WDFY2: variants seen among roughly 807,000 people sequenced by gnomAD.
The protein encoded by WDFY2 is WD repeat and FYVE domain-containing protein 2.
In WDFY2, 36 loss-of-function variants were observed where a neutral mutation model predicts 56.4. The observed-to-expected ratio is 0.64, with a 90% CI of 0.49 to 0.84. The LOEUF (loss-of-function observed/expected upper bound fraction) is 0.84, where lower values mean the gene tolerates loss of function less well. Among genes scored for constraint, WDFY2 ranks in the 40% least tolerant of loss-of-function variants. The pLI, the probability that WDFY2 is intolerant of heterozygous loss-of-function variation, is 0.00. For missense variants in WDFY2, 444 were observed against 512.2 expected, an observed-to-expected ratio of 0.87 and a Z score of 1.29; for synonymous variants, 176 against 183.7, an observed-to-expected ratio of 0.96 and a Z score of 0.34.
rs558590933 is a variant in WDFY2 at position 51,702,287 on chromosome 13, G to A, written c.280-1309G>A. ...GGATCGCGCCACTGCACTCCAACCA[G>A]GCAACAGAGCAAGACTCTGTCAAAA... On this transcript the variant is annotated intron_variant, in intron 3 of 11. Transcript: ENST00000298125. Among the ~76,000 whole-genome samples, 3 of 151,750 alleles carry A rather than the reference G, an allele frequency of 2.0e-5. No individual in the cohort carries two copies. In the East Asian group the frequency reaches 5.8e-4, roughly 29 times the overall value.
chr13:51,727,914 C>G, intron 6 of WDFY2, 124 bp downstream of exon 6: 1 of 808,816 alleles, frequency 1.2e-6, no homozygotes, highest in Non-Finnish European at 1.9e-6. Flanking sequence ...CAAAGATACA[C>G]ATGATATGCT....
chr13:51,588,766 A>G (rs1367753628), intron 1 of WDFY2: 8 of 152,228 alleles, frequency 5.3e-5, no homozygotes, highest in Non-Finnish European at 8.8e-5. Context: ...CTCAGCACTC[A>G]GTGTCCTCAC....
intron 2 of WDFY2, among the ~76,000 whole-genome samples, chr13:51,673,413 C>G (rs1398140798): frequency 6.6e-6 from 1 of 152,118 alleles, no homozygotes; most frequent in African/African-American, 2.4e-5. Flanking sequence ...GCTTCATATG[C>G]TCATACTTAC....
intron 3 of WDFY2, among the ~76,000 whole-genome samples, chr13:51,701,298 G>A (rs1022066736): frequency 3.9e-5 from 6 of 151,904 alleles, no homozygotes; most frequent in Admixed American, 1.3e-4. Context: ...CGAGGCAGGC[G>A]GATCACGAGG....
intron 1 of WDFY2, among the ~76,000 whole-genome samples, chr13:51,659,193 C>G (rs1472254301): frequency 6.6e-6 from 1 of 152,274 alleles, no homozygotes; most frequent in East Asian, 1.9e-4. Flanking sequence ...TCCCAAGGTG[C>G]TGGGATTACA....
rs1953603087 is a variant in WDFY2 at position 51,762,127 on chromosome 13, A to G, written c.*2358A>G. ...TGTTGGAAATGAGTAATAGAGCTGA[A>G]TCACTCCATTTTCCCTTCCTAAACT... On this transcript the variant is annotated 3_prime_UTR_variant, in exon 12 of 12. Transcript: ENST00000298125. 1 of 152,238 alleles carries G rather than the reference A, an allele frequency of 6.6e-6. No individual in the cohort carries two copies. Among genetic ancestry groups the G allele is most frequent in the African/African-American group, 2.4e-5 (1 of 41,464 alleles). The allele number at this position is 152,238 out of a possible 1,614,324, so 9.4% of individuals were successfully genotyped here.
chr13:51,660,625 G>A lies in WDFY2; in HGVS notation c.167G>A (p.Ser56Asn), dbSNP rs1955595000. 1 of 1,613,900 alleles carries A rather than the reference G, an allele frequency of 6.2e-7. No individual in the cohort carries two copies. Among genetic ancestry groups the A allele is most frequent in the Non-Finnish European group, 8.5e-7 (1 of 1,179,920 alleles). ...GTTCGTGTTTGGTTAAAGAGAGACA[G>A]TGGACAGTATTGGCCAAGCGTATAC... ...RTVRVWLKRD[S>N]GQYWPSVYHA... Residue 56 changes from serine to asparagine, a missense_variant, in exon 2 of 12, where the codon AGT becomes AAT. By Grantham distance (46) the Ser-to-Asn change is conservative. Transcript: ENST00000298125.
At chr13:51,753,103 T>C (rs1196130369) in intron 8 of WDFY2, 2 of 152,242 alleles carry the variant, frequency 1.3e-5, no homozygotes, top group Non-Finnish European at 2.9e-5. Flanking sequence ...TTGGCTAATG[T>C]TCCCAGTGAA....
chr13:51,613,920 A>G (rs987857261), intron 1 of WDFY2, among the ~76,000 whole-genome samples: 12 of 152,180 alleles, frequency 7.9e-5, no homozygotes, highest in South Asian at 2.1e-4. Context: ...GTCCCATGTA[A>G]TCATGCCTGT....
chr13:51,688,224 G>C (rs962587214), intron 3 of WDFY2, among the ~76,000 whole-genome samples: 3 of 152,128 alleles, frequency 2.0e-5, no homozygotes, highest in Non-Finnish European at 4.4e-5. Context: ...TGTCAGACTT[G>C]GGTAACAGGG....
intron 1 of WDFY2, among the ~76,000 whole-genome samples, chr13:51,601,573 C>T (rs1954283712): frequency 6.6e-6 from 1 of 152,124 alleles, no homozygotes; most frequent in Admixed American, 6.5e-5. Flanking sequence ...TGCCACCATG[C>T]CCGGCTAATT....
intron 3 of WDFY2, among the ~76,000 whole-genome samples, chr13:51,678,784 T>C (rs1024435920): frequency 6.6e-6 from 1 of 152,160 alleles, no homozygotes; most frequent in Admixed American, 6.5e-5. Context: ...AATGAAATTA[T>C]GAAATAAGTA....
At position 51,631,973 on chromosome 13, in the gene WDFY2, G is replaced by A. The variant is rs548690092; in HGVS notation, c.138-28623G>A. Among the ~76,000 whole-genome samples, 20 of 152,178 alleles carry A rather than the reference G, an allele frequency of 1.3e-4. 1 individual carries two copies. The South Asian group carries it at 3.3e-3, about 25-fold the overall frequency. On this transcript the variant is annotated intron_variant, in intron 1 of 11. Coordinates refer to ENST00000298125, the MANE Select transcript of WDFY2 (RefSeq NM_052950.4). ...CCTTAAGAATATTTCTACAGATAAGGTATGTGGAAAGTATATTTTTGATTC... is the reference window on the plus strand; with the variant it reads ...CCTTAAGAATATTTCTACAGATAAGATATGTGGAAAGTATATTTTTGATTC...
At chr13:51,732,172 C>T (rs1952738285) in intron 6 of WDFY2, among the ~76,000 whole-genome samples, 1 of 152,030 alleles carries the variant, frequency 6.6e-6, no homozygotes, top group East Asian at 1.9e-4. Flanking sequence ...GCTCTGTCGT[C>T]CAGGCTGGAG....
At chr13:51,607,654 A>G (rs1302050305) in intron 1 of WDFY2, among the ~76,000 whole-genome samples, 3 of 152,132 alleles carry the variant, frequency 2.0e-5, no homozygotes, top group South Asian at 4.1e-4. Flanking sequence ...CAAAAATTCA[A>G]TGTAAAAAAT....
At chr13:51,735,104 A>G (rs990789217) in intron 6 of WDFY2, among the ~76,000 whole-genome samples, 21 of 152,222 alleles carry the variant, frequency 1.4e-4, no homozygotes, top group African/African-American at 5.1e-4. Flanking sequence ...AAATTCCCTC[A>G]GAAGGGAGAG....
chr13:51,682,318 A>G (rs1252975679), intron 3 of WDFY2, among the ~76,000 whole-genome samples: 1 of 152,176 alleles, frequency 6.6e-6, no homozygotes, highest in Non-Finnish European at 1.5e-5. Context: ...TATCTAAATA[A>G]TCTATCTCCC....
chr13:51,594,093 T>C (rs1213361799), intron 1 of WDFY2: 2 of 152,190 alleles, frequency 1.3e-5, no homozygotes, highest in Non-Finnish European at 2.9e-5. Context: ...TATATTGGTG[T>C]CTAACTTAGT....
chr13:51,631,690 T>C (rs1367875761), intron 1 of WDFY2, among the ~76,000 whole-genome samples: 1 of 152,160 alleles, frequency 6.6e-6, no homozygotes, highest in African/African-American at 2.4e-5. Context: ...GCATTATGAT[T>C]TCAACATTGA....
Sources: gnomAD v4.1 joint callset for allele counts (sites outside exome capture counted in the v4.1 genomes callset) on GRCh38, gnomAD v4.1.1 for gene constraint, MANE v1.5 for transcripts, NCBI Gene and HGNC (gene_info 2026-07-23, HGNC 2026-07-21) for gene names.